The following ANO3 variants were observed in gnomAD, a reference collection of about 807,000 sequenced individuals.
ANO3 encodes anoctamin-3.
In ANO3, 99 loss-of-function variants were observed where a neutral mutation model predicts 144.8. The observed-to-expected ratio is 0.68, with a 90% CI of 0.58 to 0.81. ANO3 has a LOEUF of 0.81. Ranked by LOEUF, ANO3 falls within the 30% of genes least tolerant of loss-of-function variation. The pLI is 0.00. For synonymous variants in ANO3, 414 were observed against 392.6 expected (o/e 1.05, Z -0.64); for missense variants, 905 against 1,202.2 (o/e 0.75, Z 3.66).
chr11:26,228,211 G>A (rs1422083144), intron 1 of ANO3, among the ~76,000 whole-genome samples: 1 of 152,202 alleles, frequency 6.6e-6, no homozygotes, highest in Non-Finnish European at 1.5e-5. Context: ...AATGTCAAAT[G>A]TACTGCTCTG....
intron 14 of ANO3, among the ~76,000 whole-genome samples, chr11:26,568,399 T>C (rs1470154178): frequency 6.6e-6 from 1 of 151,910 alleles, no homozygotes; most frequent in Non-Finnish European, 1.5e-5. Flanking sequence ...TCAGTATTCA[T>C]GTTTGTAACA....
At chr11:26,547,319 A>T (rs1053505520) in intron 11 of ANO3, 97 bp from the exon 12 acceptor site, 2 of 1,264,178 alleles carry the variant, frequency 1.6e-6, no homozygotes, top group Non-Finnish European at 2.3e-6. Context: ...GTGTAGCTTC[A>T]AGTTACCATC....
At chr11:26,380,107 C>A (rs1334785554) in intron 1 of ANO3, among the ~76,000 whole-genome samples, 1 of 152,100 alleles carries the variant, frequency 6.6e-6, no homozygotes, top group Non-Finnish European at 1.5e-5. Context: ...TCTCCTATCT[C>A]AGTTCTAGTC....
At chr11:26,306,626 C>T (rs1854389724), upstream of ANO3, among the ~76,000 whole-genome samples, 1 of 152,050 alleles carries the variant, frequency 6.6e-6, no homozygotes, top group African/African-American at 2.4e-5. Context: ...ATTGTGCCAC[C>T]ACACTCCAGC....
At chr11:26,273,466 A>C (rs1853490738) in intron 1 of ANO3, among the ~76,000 whole-genome samples, 1 of 152,064 alleles carries the variant, frequency 6.6e-6, no homozygotes, top group Non-Finnish European at 1.5e-5. Flanking sequence ...GTCTGGAAGG[A>C]TTACACTATT....
chr11:26,651,451 T>C (rs1213752145), intron 24 of ANO3, among the ~76,000 whole-genome samples: 2 of 152,166 alleles, frequency 1.3e-5, no homozygotes, highest in African/African-American at 4.8e-5. Flanking sequence ...TTGCAACAGA[T>C]TTTATATAGA....
intron 4 of ANO3, among the ~76,000 whole-genome samples, chr11:26,469,261 A>G (rs892228073): frequency 2.0e-5 from 3 of 151,958 alleles, no homozygotes; most frequent in Non-Finnish European, 2.9e-5. Flanking sequence ...AAGATTTAGT[A>G]CAAGAGTTTT....
At chr11:26,522,381 C>T (rs968295122) in intron 6 of ANO3, among the ~76,000 whole-genome samples, 1 of 152,120 alleles carries the variant, frequency 6.6e-6, no homozygotes, top group African/African-American at 2.4e-5. Context: ...CTCACTTAGT[C>T]CCACAGGCAT....
In ANO3 at chr11:26,541,949, A is replaced by G. The variant is rs1590492569; in HGVS notation, c.1035A>G (p.Gly345=). Reference sequence around the variant, plus strand: ...GTATCTTACTTTATCTGTTGCAGGGAGCCTACAAAAGTAGCCAGCCCATTA... The same window carrying G: ...GTATCTTACTTTATCTGTTGCAGGGGGCCTACAAAAGTAGCCAGCCCATTA... ...SYIAAFPPHE[G]AYKSSQPIKT... is the part of the protein sequence containing the mutation. Residue 345 remains glycine, a splice_region_variant and synonymous_variant, in exon 11 of 27, where the codon GGA becomes GGG. Coordinates refer to ENST00000256737, the MANE Select transcript of ANO3 (RefSeq NM_031418.4). 2 of 1,609,948 alleles carry G rather than the reference A, an allele frequency of 1.2e-6. No homozygotes were observed. Among genetic ancestry groups the G allele is most frequent in the Non-Finnish European group, 1.7e-6 (2 of 1,178,004 alleles).
intron 3 of ANO3, among the ~76,000 whole-genome samples, chr11:26,451,384 A>G (rs1367196442): frequency 6.6e-6 from 1 of 152,222 alleles, no homozygotes; most frequent in Admixed American, 6.5e-5. Context: ...TCCCACCCGA[A>G]TACTGCGCTT....
chr11:26,198,645 G>A (rs1851634607), intron 1 of ANO3, among the ~76,000 whole-genome samples: 1 of 152,052 alleles, frequency 6.6e-6, no homozygotes, highest in Admixed American at 6.6e-5. Flanking sequence ...TTTATTTTTT[G>A]CCATCCCTGC....
chr11:26,650,133 A>T (rs1405328882), intron 24 of ANO3, among the ~76,000 whole-genome samples: 3 of 152,178 alleles, frequency 2.0e-5, no homozygotes, highest in Non-Finnish European at 4.4e-5. Flanking sequence ...TTACAGTGAC[A>T]CCACACATTC....
intron 1 of ANO3, among the ~76,000 whole-genome samples, chr11:26,344,028 C>T (rs758663190): frequency 3.9e-5 from 6 of 152,126 alleles, no homozygotes; most frequent in African/African-American, 7.2e-5. Flanking sequence ...AAAATCATAA[C>T]GTACCTTTAA....
intron 1 of ANO3, among the ~76,000 whole-genome samples, chr11:26,398,551 A>T (rs1458143311): frequency 6.6e-6 from 1 of 152,116 alleles, no homozygotes; most frequent in Non-Finnish European, 1.5e-5. Flanking sequence ...CGTATATCTG[A>T]GATATTTTAT....
Position 26,547,516 on chromosome 11 carries a change from T to C in ANO3, c.1255T>C (p.Tyr419His). 6.2e-7 allele frequency: 1 copy of C among 1,612,004 alleles called. No individual in the cohort carries two copies. The highest frequency in any genetic ancestry group is 8.5e-7 in the Non-Finnish European group (1 of 1,178,510). Residue 419 changes from tyrosine to histidine, a missense_variant, in exon 12 of 27, where the codon TAT becomes CAT. By Grantham distance (83) the Tyr-to-His change is moderately conservative. This residue lies in a region of ANO3 where 597 missense variants were observed against 865.1 expected (regional missense o/e 0.69). Transcript: ENST00000256737. ...AATTGTTGGTTTGTGCGTTTTCTTC[T>C]ATGGATTATTTACAATGAATAATAG... is the stretch of plus-strand genomic sequence containing the variant. ...AAIVGLCVFFYGLFTMNNSQV... is the reference protein window; with the variant it reads ...AAIVGLCVFFHGLFTMNNSQV...
At chr11:26,452,509 G>C (rs1165733944) in intron 3 of ANO3, among the ~76,000 whole-genome samples, 3 of 152,140 alleles carry the variant, frequency 2.0e-5, no homozygotes, top group African/African-American at 7.2e-5. Context: ...ATGAAATGAA[G>C]CGAGAAGGGA....
chr11:26,279,649 C>A (rs1253839763), intron 1 of ANO3, among the ~76,000 whole-genome samples: 1 of 152,122 alleles, frequency 6.6e-6, no homozygotes, highest in Non-Finnish European at 1.5e-5. Context: ...ATCAAGATAG[C>A]CTTGCAAGTA....
rs996211949 is a variant in ANO3, at chr11:26,534,336, G to A, written c.870-120G>A. 31 of 556,396 alleles carry A rather than the reference G, an allele frequency of 5.6e-5. No homozygotes were observed. The highest frequency in any genetic ancestry group is 8.9e-5 in the Non-Finnish European group (28 of 314,656). 34.5% of individuals were successfully genotyped at this position (556,396 alleles called of 1,614,324 possible). On this transcript the variant is annotated intron_variant, in intron 8 of 26. Coordinates refer to ENST00000256737, the MANE Select transcript of ANO3 (RefSeq NM_031418.4). Reference sequence around the variant, plus strand: ...TTTTCTCTGTCAATTTTTTTTTAAAGAGGATGATTTCCCTTCTGATTTACT... The same window carrying A: ...TTTTCTCTGTCAATTTTTTTTTAAAAAGGATGATTTCCCTTCTGATTTACT...
chr11:26,379,933 A>G (rs1210772764), intron 1 of ANO3, among the ~76,000 whole-genome samples: 1 of 152,188 alleles, frequency 6.6e-6, no homozygotes, highest in African/African-American at 2.4e-5. Flanking sequence ...ATTTAGATGC[A>G]TTGGAGAGTT....
Sources: gnomAD v4.1 joint callset for allele counts (sites outside exome capture counted in the v4.1 genomes callset) on GRCh38, gnomAD v4.1.1 for gene constraint, gnomAD v4.1.1 regional missense constraint, MANE v1.5 for transcripts, NCBI Gene and HGNC (gene_info 2026-07-23, HGNC 2026-07-21) for gene names.